Variants in NCKAP5 observed in about 807,000 individuals in gnomAD.
NCKAP5 encodes the protein nck-associated protein 5.
A neutral mutation model predicts 167.0 loss-of-function variants in NCKAP5; 92 were observed. That is an observed-to-expected ratio of 0.55 (90% CI 0.47 to 0.66). The LOEUF is 0.66. Among genes scored for constraint, NCKAP5 ranks in the 30% least tolerant of loss-of-function variants. The pLI, the probability that NCKAP5 is intolerant of heterozygous loss-of-function variation, is 0.00. For synonymous variants in NCKAP5, 891 were observed against 877.4 expected (o/e 1.02, Z -0.27); for missense variants, 2,378 against 2,315.0 (o/e 1.03, Z -0.56).
the NCKAP5 span, among the ~76,000 whole-genome samples, chr2:133,657,001 A>G: frequency 3.3e-5 from 5 of 152,052 alleles, no homozygotes; most frequent in Non-Finnish European, 7.4e-5. Flanking sequence ...TAGCTCCCAC[A>G]TATCAATGAG....
At chr2:133,494,363 C>T (rs1681742482) in intron 3 of NCKAP5, among the ~76,000 whole-genome samples, 1 of 152,122 alleles carries the variant, frequency 6.6e-6, no homozygotes, top group African/African-American at 2.4e-5. Context: ...TCCTAATGAC[C>T]TTCTCCTCTG....
At chr2:133,367,853 G>GAAAC (rs1291744329) in intron 3 of NCKAP5, among the ~76,000 whole-genome samples, 1 of 152,010 alleles carries the variant, frequency 6.6e-6, no homozygotes, top group African/African-American at 2.4e-5. Context: ...GAAAATTAAA[G>GAAAC]AAACAAACAA....
intron 3 of NCKAP5, among the ~76,000 whole-genome samples, chr2:133,466,965 T>C (rs1167256447): frequency 6.6e-6 from 1 of 152,130 alleles, no homozygotes; most frequent in Non-Finnish European, 1.5e-5. Flanking sequence ...ACAGGGACAA[T>C]TTGACTTCCT....
At chr2:133,580,908 C>T in the NCKAP5 span, among the ~76,000 whole-genome samples, 1 of 152,150 alleles carries the variant, frequency 6.6e-6, no homozygotes, top group African/African-American at 2.4e-5. Flanking sequence ...TGAATAGCTC[C>T]AAACTCAACA....
chr2:133,470,934 C>T (rs988534035), intron 3 of NCKAP5, among the ~76,000 whole-genome samples: 34 of 152,230 alleles, frequency 2.2e-4, no homozygotes, highest in African/African-American at 8.0e-4. Context: ...TGAGATGAAC[C>T]CAGTACGTCA....
intron 2 of NCKAP5, among the ~76,000 whole-genome samples, chr2:133,531,929 C>A (rs1252338510): frequency 3.3e-5 from 5 of 152,160 alleles, no homozygotes; most frequent in Non-Finnish European, 7.3e-5. Flanking sequence ...GTAGTTGTAG[C>A]CCCATTCCCC....
chr2:133,519,567 C>T (rs1213599638), intron 2 of NCKAP5, among the ~76,000 whole-genome samples: 1 of 152,146 alleles, frequency 6.6e-6, no homozygotes, highest in Non-Finnish European at 1.5e-5. Flanking sequence ...TACTCTGACC[C>T]TCATATTTCC....
the NCKAP5 span, among the ~76,000 whole-genome samples, chr2:133,606,941 C>G: frequency 6.6e-6 from 1 of 152,042 alleles, no homozygotes; most frequent in Non-Finnish European, 1.5e-5. Flanking sequence ...CCACTGGTGT[C>G]CAGAAGTCCT....
intron 11 of NCKAP5, among the ~76,000 whole-genome samples, chr2:132,801,621 G>A (rs1574268932): frequency 6.6e-6 from 1 of 152,164 alleles, no homozygotes; most frequent in African/African-American, 2.4e-5. Flanking sequence ...ATAACAGAAC[G>A]CATGCCTCAT....
At chr2:133,386,363 T>G (rs891929921) in intron 3 of NCKAP5, among the ~76,000 whole-genome samples, 1 of 152,242 alleles carries the variant, frequency 6.6e-6, no homozygotes, top group African/African-American at 2.4e-5. Flanking sequence ...CAGTTTTGAT[T>G]GAGTTTCTTA....
At chr2:133,474,713 G>T (rs1015991613) in intron 3 of NCKAP5, among the ~76,000 whole-genome samples, 15 of 151,940 alleles carry the variant, frequency 9.9e-5, no homozygotes, top group African/African-American at 3.6e-4. Context: ...ATAAATAAAA[G>T]GGCAGCCTCT....
At chr2:133,647,876 A>G in the NCKAP5 span, among the ~76,000 whole-genome samples, 1 of 152,152 alleles carries the variant, frequency 6.6e-6, no homozygotes, top group East Asian at 1.9e-4. Context: ...TGGCAATAGC[A>G]AATTTTTCCC....
At chr2:132,902,391 G>A (rs1693693392) in intron 8 of NCKAP5, among the ~76,000 whole-genome samples, 1 of 152,184 alleles carries the variant, frequency 6.6e-6, no homozygotes, top group Admixed American at 6.5e-5. Flanking sequence ...AAGGGGAACA[G>A]AGTTATGACA....
chr2:133,048,500 T>A (rs2079488499), intron 6 of NCKAP5, among the ~76,000 whole-genome samples: 1 of 152,234 alleles, frequency 6.6e-6, no homozygotes, highest in South Asian at 2.1e-4. Context: ...TCAGAACTCA[T>A]CACCAATGGT....
chr2:133,417,909 C>A (rs1559468913), intron 3 of NCKAP5, among the ~76,000 whole-genome samples: 1 of 152,112 alleles, frequency 6.6e-6, no homozygotes, highest in Non-Finnish European at 1.5e-5. Context: ...ATTTGGTTGA[C>A]ATAAGGAAAA....
At chr2:132,767,686 G>C (rs989765969) in intron 16 of NCKAP5, among the ~76,000 whole-genome samples, 24 of 152,346 alleles carry the variant, frequency 1.6e-4, no homozygotes, top group African/African-American at 5.3e-4. Flanking sequence ...TCTAGGAGAG[G>C]ATAAGGAATA....
At chr2:132,847,633 G>A (rs1377801730) in intron 11 of NCKAP5, among the ~76,000 whole-genome samples, 1 of 152,278 alleles carries the variant, frequency 6.6e-6, no homozygotes, top group Admixed American at 6.5e-5. Flanking sequence ...CTGCCAAAAA[G>A]CTGGTCATGT....
intron 3 of NCKAP5, among the ~76,000 whole-genome samples, chr2:133,452,051 A>C (rs1323332340): frequency 6.6e-6 from 1 of 152,176 alleles, no homozygotes; most frequent in Non-Finnish European, 1.5e-5. Flanking sequence ...TGATCTAGCA[A>C]ATGAGTCCCC....
At chr2:132,789,769 A>G (rs961890916) in intron 13 of NCKAP5, among the ~76,000 whole-genome samples, 6 of 152,182 alleles carry the variant, frequency 3.9e-5, no homozygotes. Flanking sequence ...CTTGGCATGT[A>G]TATAAGTAGA....
Sources: allele counts gnomAD v4.1 joint callset (sites outside exome capture counted in the v4.1 genomes callset), GRCh38; gene constraint gnomAD v4.1.1; transcripts MANE v1.5; gene names NCBI Gene and HGNC (gene_info 2026-07-23, HGNC 2026-07-21).